Variants in GFOD1 observed in about 807,000 individuals in gnomAD.
GFOD1 encodes the protein Gfo/Idh/MocA-like oxidoreductase domain containing 1.
A neutral mutation model predicts 25.4 loss-of-function variants in GFOD1; 9 were observed. The observed-to-expected ratio is 0.35, with a 90% CI of 0.21 to 0.62. The LOEUF (loss-of-function observed/expected upper bound fraction) is 0.62. Ranked by LOEUF, GFOD1 falls within the 20% of genes least tolerant of loss-of-function variation. GFOD1 has a pLI of 0.72. For missense variants in GFOD1, 403 were observed against 556.9 expected, an observed-to-expected ratio of 0.72 and a Z score of 2.78; for synonymous variants, 253 against 245.6, an observed-to-expected ratio of 1.03 and a Z score of -0.28.
At chr6:13,434,356 A>G (rs1757798610) in intron 1 of GFOD1, among the ~76,000 whole-genome samples, 2 of 147,454 alleles carry the variant, frequency 1.4e-5, no homozygotes, top group South Asian at 4.3e-4. Flanking sequence ...AGTTCAGGGC[A>G]TTATGGGAAC....
intron 1 of GFOD1, among the ~76,000 whole-genome samples, chr6:13,456,277 T>G (rs565618680): frequency 6.6e-6 from 1 of 152,122 alleles, no homozygotes; most frequent in Non-Finnish European, 1.5e-5. Flanking sequence ...TGGGCTCAAG[T>G]GATCTTCCCA....
intron 1 of GFOD1, among the ~76,000 whole-genome samples, chr6:13,379,012 CT>C (rs1014559799): frequency 6.6e-6 from 1 of 152,192 alleles, no homozygotes; most frequent in African/African-American, 2.4e-5. Context: ...GGCAAACCAG[CT>C]CCAGGGCTCC....
At chr6:13,402,706 GGAACC>G (rs1584630564) in intron 1 of GFOD1, among the ~76,000 whole-genome samples, 1 of 152,166 alleles carries the variant, frequency 6.6e-6, no homozygotes, top group East Asian at 1.9e-4. Context: ...TAGAATAATT[GGAACC>G]CTCAAACATT....
chr6:13,372,059 C>T (rs1193365591), intron 1 of GFOD1, among the ~76,000 whole-genome samples: 2 of 152,212 alleles, frequency 1.3e-5, no homozygotes, highest in East Asian at 3.8e-4. Flanking sequence ...GGCTTTGGGG[C>T]TTGAACCAAC....
intron 1 of GFOD1, among the ~76,000 whole-genome samples, chr6:13,391,803 T>C (rs1394496515): frequency 6.6e-6 from 1 of 152,072 alleles, no homozygotes; most frequent in Non-Finnish European, 1.5e-5. Flanking sequence ...TTCATTGGAG[T>C]GGTGAGAACC....
chr6:13,439,708 T>C (rs1271690881), intron 1 of GFOD1, among the ~76,000 whole-genome samples: 1 of 152,224 alleles, frequency 6.6e-6, no homozygotes, highest in African/African-American at 2.4e-5. Context: ...TGTTAGATAA[T>C]ACTATCCCCA....
Position 13,365,187 on chromosome 6 carries a change from G to A in GFOD1, c.729C>T (p.Gly243=), listed in dbSNP as rs149994474. The A allele has an allele frequency of 7.5e-5, 121 of 1,613,826 alleles. No individual in the cohort carries two copies. Among genetic ancestry groups the A allele is most frequent in the Non-Finnish European group, 9.7e-5 (114 of 1,180,010 alleles). ...CTVTLNFNVP[G]EFKQDVTVVG... ...CCACAGTGACATCCTGCTTGAACTC[G>A]CCGGGCACGTTGAAGTTGAGGGTGA... The change falls in exon 2 of 2, where the codon GGC becomes GGT. Residue 243 remains glycine, a synonymous_variant. Transcript: ENST00000379287. This position sits in a 1 kb window ranked among gnomAD's most constrained non-coding sequence, Gnocchi z 9.2.
At chr6:13,420,327 G>A (rs1046305822) in intron 1 of GFOD1, among the ~76,000 whole-genome samples, 2 of 152,204 alleles carry the variant, frequency 1.3e-5, no homozygotes, top group South Asian at 4.1e-4. Context: ...GCAGGGGTCT[G>A]AGGGCGAGGG....
intron 1 of GFOD1, among the ~76,000 whole-genome samples, chr6:13,448,685 G>A (rs1758045627): frequency 6.6e-6 from 1 of 152,196 alleles, no homozygotes; most frequent in Non-Finnish European, 1.5e-5. Flanking sequence ...CATGTTGTTT[G>A]CAGCAGCTCC....
rs147602160 is a variant in GFOD1 at position 13,430,294 on chromosome 6, G to A, written c.253+56344C>T. Among the ~76,000 whole-genome samples, 8,146 of 151,998 alleles carry A rather than the reference G, an allele frequency of 0.054. 279 individuals are homozygous for A. Among genetic ancestry groups the A allele is most frequent in the African/African-American group, 0.089 (3,669 of 41,428 alleles). On this transcript the variant is annotated intron_variant, in intron 1 of 1. Transcript: ENST00000379287. The surrounding 1 kb of genome is among the most constrained non-coding windows in gnomAD (Gnocchi z 4.1). Reference sequence around the variant, plus strand: ...TCTACTAAAAATACAAAAATTAGCCGGGCATGGTGGCACACATCTATAATC... The same window carrying A: ...TCTACTAAAAATACAAAAATTAGCCAGGCATGGTGGCACACATCTATAATC...
chr6:13,393,774 T>A (rs1387578314), intron 1 of GFOD1, among the ~76,000 whole-genome samples: 1 of 116,834 alleles, frequency 8.6e-6, no homozygotes, highest in Non-Finnish European at 1.9e-5. Flanking sequence ...ATTTCTTTTT[T>A]CTTTTCTTTT....
chr6:13,434,287 G>A (rs1757796885), intron 1 of GFOD1, among the ~76,000 whole-genome samples: 1 of 148,416 alleles, frequency 6.7e-6, no homozygotes, highest in South Asian at 2.1e-4. Flanking sequence ...GAAGTCAAGT[G>A]CAGGGCTTTA....
intron 1 of GFOD1, among the ~76,000 whole-genome samples, chr6:13,485,044 T>A (rs1758834230): frequency 6.6e-6 from 1 of 152,216 alleles, no homozygotes. Context: ...ACATACATGT[T>A]CCATTAAACA....
At chr6:13,464,395 G>A (rs6901974) in intron 1 of GFOD1, among the ~76,000 whole-genome samples, 32,965 of 152,144 alleles carry the variant, frequency 0.22, 3,954 homozygotes, top group African/African-American at 0.31. Context: ...ACCACAGAAC[G>A]AAGACTTGTT....
At chr6:13,425,648 C>A (rs1467197605) in intron 1 of GFOD1, among the ~76,000 whole-genome samples, 1 of 152,186 alleles carries the variant, frequency 6.6e-6, no homozygotes, top group Non-Finnish European at 1.5e-5. Flanking sequence ...CACCAGTATA[C>A]ACATTCTGAC....
At chr6:13,447,643 A>G (rs1475998865) in intron 1 of GFOD1, among the ~76,000 whole-genome samples, 2 of 139,388 alleles carry the variant, frequency 1.4e-5, no homozygotes, top group East Asian at 4.8e-4. Flanking sequence ...TGGGAGGCTG[A>G]GGCAGGAGAA....
chr6:13,409,996 G>A (rs180863400), intron 1 of GFOD1, among the ~76,000 whole-genome samples: 1 of 136,958 alleles, frequency 7.3e-6, no homozygotes, highest in African/African-American at 2.6e-5. Context: ...AAAATGATAC[G>A]GATTTTTAGT....
At chr6:13,473,667 G>A (rs1011119711) in intron 1 of GFOD1, among the ~76,000 whole-genome samples, 2 of 152,270 alleles carry the variant, frequency 1.3e-5, no homozygotes, top group African/African-American at 4.8e-5. Flanking sequence ...CGCAGAACCA[G>A]TGGTTCCTTG....
intron 1 of GFOD1, among the ~76,000 whole-genome samples, chr6:13,374,309 G>GTGTGT (rs1204000431): frequency 7.3e-6 from 1 of 137,460 alleles, no homozygotes; most frequent in African/African-American, 2.7e-5. Context: ...GTGTGTGTTT[G>GTGTGT]TTTTTTTTTT....
Sources: allele counts gnomAD v4.1 joint callset (sites outside exome capture counted in the v4.1 genomes callset), GRCh38; gene constraint gnomAD v4.1.1; non-coding constraint Gnocchi (gnomAD v3.1); transcripts MANE v1.5; gene names NCBI Gene and HGNC (gene_info 2026-07-23, HGNC 2026-07-21).